The following MRTFB variants were observed in gnomAD, a reference collection of about 807,000 sequenced individuals.
The protein encoded by MRTFB is myocardin-related transcription factor B.
In MRTFB, 29 loss-of-function variants were observed where a neutral mutation model predicts 104.2. The ratio of observed to expected loss-of-function variants is 0.28; its 90% confidence interval spans 0.21 to 0.38. The LOEUF (loss-of-function observed/expected upper bound fraction) is 0.38. Ranked by LOEUF, MRTFB falls within the 10% of genes least tolerant of loss-of-function variation. The probability of loss-of-function intolerance (pLI) is 1.00; values close to 1 mark genes in which losing one functional copy is unlikely to be tolerated. For missense variants in MRTFB, 1,270 were observed against 1,341.6 expected, an observed-to-expected ratio of 0.95 and a Z score of 0.83; for synonymous variants, 535 against 519.5, an observed-to-expected ratio of 1.03 and a Z score of -0.41.
At chr16:14,256,173 C>A (rs1457295218) in intron 15 of MRTFB, among the ~76,000 whole-genome samples, 62 of 77,462 alleles carry the variant, frequency 8.0e-4, no homozygotes, top group Middle Eastern at 7.5e-3. Context: ...TTTTTAAGGA[C>A]AGGAAAGAAA....
Position 14,140,604 on chromosome 16 carries a change from A to G in MRTFB, c.-3A>G. 1 of 1,614,184 alleles carries G rather than the reference A, an allele frequency of 6.2e-7. No homozygotes were observed. Among genetic ancestry groups the G allele is most frequent in the South Asian group, 1.1e-5 (1 of 91,076 alleles). ...ACTCCCTGTTGCCAGTGGCTGGAAC[A>G]CAATGGATCACACAGGGGCGATAGA... On this transcript the variant is annotated 5_prime_UTR_variant, in exon 3 of 17. Coordinates refer to ENST00000571589, the MANE Select transcript of MRTFB (RefSeq NM_001308142.2).
chr16:14,032,228 G>A, the MRTFB span, among the ~76,000 whole-genome samples: 1 of 152,216 alleles, frequency 6.6e-6, no homozygotes, highest in East Asian at 1.9e-4. Context: ...CCTGACCTCA[G>A]GGGAGGAGAG....
the MRTFB span, among the ~76,000 whole-genome samples, chr16:14,034,621 A>C: frequency 6.6e-6 from 1 of 151,574 alleles, no homozygotes; most frequent in East Asian, 1.9e-4. Context: ...TCTCACAAAA[A>C]AAAAAAAAAA....
intron 3 of MRTFB, among the ~76,000 whole-genome samples, chr16:14,207,705 A>AT (rs1397110246): frequency 1.3e-5 from 2 of 152,180 alleles, no homozygotes; most frequent in Non-Finnish European, 2.9e-5. Context: ...CCCTTCTCCC[A>AT]TACCATGCCC....
chr16:14,104,315 G>A (rs564172687), intron 2 of MRTFB, among the ~76,000 whole-genome samples: 1 of 152,094 alleles, frequency 6.6e-6, no homozygotes, highest in Non-Finnish European at 1.5e-5. Flanking sequence ...CATTTCTAAG[G>A]GTTTCTGATA....
At chr16:14,168,241 G>T (rs1469131708) in intron 3 of MRTFB, among the ~76,000 whole-genome samples, 1 of 151,986 alleles carries the variant, frequency 6.6e-6, no homozygotes, top group East Asian at 1.9e-4. Flanking sequence ...GTGTGTGTGT[G>T]TGTATGCTTA....
chr16:14,082,554 G>A (rs2034471769), intron 2 of MRTFB, among the ~76,000 whole-genome samples: 1 of 152,144 alleles, frequency 6.6e-6, no homozygotes, highest in African/African-American at 2.4e-5. Context: ...GGCCAAGGTG[G>A]GAGGATAGTT....
chr16:14,204,548 A>C (rs1320494301), intron 3 of MRTFB, among the ~76,000 whole-genome samples: 1 of 152,204 alleles, frequency 6.6e-6, no homozygotes, highest in Admixed American at 6.5e-5. Flanking sequence ...CTTGCATAAA[A>C]GTAGAGCAAA....
intron 8 of MRTFB, among the ~76,000 whole-genome samples, chr16:14,231,782 C>T (rs1459407760): frequency 6.6e-6 from 1 of 152,172 alleles, no homozygotes; most frequent in East Asian, 1.9e-4. Flanking sequence ...GAGCCTGACC[C>T]CTTGATACGG....
chr16:14,121,138 G>C (rs1367921183), intron 2 of MRTFB, among the ~76,000 whole-genome samples: 1 of 150,886 alleles, frequency 6.6e-6, no homozygotes, highest in Non-Finnish European at 1.5e-5. Context: ...TCTTTGCTTT[G>C]GTGTTACAGT....
the MRTFB span, among the ~76,000 whole-genome samples, chr16:14,025,350 AT>A: frequency 1.3e-5 from 2 of 152,076 alleles, no homozygotes; most frequent in African/African-American, 2.4e-5. Context: ...GCAGCTATCA[AT>A]TTTTTTATTT....
intron 9 of MRTFB, among the ~76,000 whole-genome samples, chr16:14,237,068 G>GGT (rs1212940681): frequency 6.6e-6 from 1 of 152,200 alleles, no homozygotes; most frequent in Non-Finnish European, 1.5e-5. Flanking sequence ...TGGAGTGTGA[G>GGT]GTGCTGTGCA....
the MRTFB span, among the ~76,000 whole-genome samples, chr16:14,031,654 C>G: frequency 6.6e-6 from 1 of 152,124 alleles, no homozygotes; most frequent in South Asian, 2.1e-4. Context: ...CCACTAAAAC[C>G]CTTGTGCTTT....
Position 14,146,596 on chromosome 16 carries a change from GCAAA to G in MRTFB, c.154+5839_154+5842del, listed in dbSNP as rs536526757. Reference sequence around the variant, plus strand: ...TTTCAATACATGTATTAATATATTTGCAAACAGTCAGGTGAACTTTGCCTAGCCA... The same window carrying G: ...TTTCAATACATGTATTAATATATTTGCAGTCAGGTGAACTTTGCCTAGCCA... On this transcript the variant is annotated intron_variant, in intron 3 of 16. Transcript: ENST00000571589. 2.6e-5 allele frequency among the ~76,000 whole-genome samples: 4 copies of G among 152,288 alleles called. No homozygotes were observed. In the East Asian group the frequency reaches 5.8e-4, roughly 22 times the overall value.
chr16:14,180,174 C>G (rs944370768), intron 3 of MRTFB, among the ~76,000 whole-genome samples: 1 of 152,192 alleles, frequency 6.6e-6, no homozygotes, highest in African/African-American at 2.4e-5. Flanking sequence ...AGACCATATT[C>G]CTTAAGAGAC....
chr16:14,128,717 C>T (rs1018542306), intron 2 of MRTFB, among the ~76,000 whole-genome samples: 1 of 152,186 alleles, frequency 6.6e-6, no homozygotes, highest in Non-Finnish European at 1.5e-5. Context: ...CAATTTAACC[C>T]ATCTCCTATT....
intron 2 of MRTFB, among the ~76,000 whole-genome samples, chr16:14,102,857 T>G (rs2035771935): frequency 6.6e-6 from 1 of 152,222 alleles, no homozygotes; most frequent in Non-Finnish European, 1.5e-5. Context: ...TACTTTAGAA[T>G]GTGCAGTTTT....
At chr16:14,169,208 G>T (rs1342871064) in intron 3 of MRTFB, among the ~76,000 whole-genome samples, 1 of 152,018 alleles carries the variant, frequency 6.6e-6, no homozygotes, top group Non-Finnish European at 1.5e-5. Context: ...TCAGATATCT[G>T]TACACATCTC....
chr16:14,007,241 C>G, the MRTFB span, among the ~76,000 whole-genome samples: 2 of 152,282 alleles, frequency 1.3e-5, no homozygotes, highest in South Asian at 4.1e-4. Context: ...TTGGCAACTC[C>G]TAATTTCCTT....
Sources: allele counts gnomAD v4.1 joint callset (sites outside exome capture counted in the v4.1 genomes callset), GRCh38; gene constraint gnomAD v4.1.1; transcripts MANE v1.5; gene names NCBI Gene and HGNC (gene_info 2026-07-23, HGNC 2026-07-21).